The following NFIA variants were observed in gnomAD, a reference collection of about 807,000 sequenced individuals.
NFIA encodes nuclear factor 1 A-type.
Under a neutral mutation model 62.8 loss-of-function variants are expected in NFIA, and 8 were observed. The observed-to-expected ratio is 0.13, with a 90% CI of 0.07 to 0.23. NFIA has a LOEUF of 0.23. Ranked by LOEUF, NFIA falls within the 10% of genes least tolerant of loss-of-function variation. The pLI, the probability that NFIA is intolerant of heterozygous loss-of-function variation, is 1.00. For synonymous variants in NFIA, 235 were observed against 238.1 expected, an observed-to-expected ratio of 0.99 and a Z score of 0.12; for missense variants, 410 against 642.1, an observed-to-expected ratio of 0.64 and a Z score of 3.91.
At chr1:61,145,199 G>A (rs1647837407) in intron 2 of NFIA, among the ~76,000 whole-genome samples, 1 of 152,264 alleles carries the variant, frequency 6.6e-6, no homozygotes, top group South Asian at 2.1e-4. Context: ...AATTATTGAG[G>A]AAATTAATGC....
intron 9 of NFIA, among the ~76,000 whole-genome samples, chr1:61,406,942 G>A (rs1340195354): frequency 6.6e-6 from 1 of 152,094 alleles, no homozygotes; most frequent in East Asian, 1.9e-4. Context: ...TGGATGAGAT[G>A]GTGTAGCTAC....
intron 2 of NFIA, among the ~76,000 whole-genome samples, chr1:61,261,382 A>C (rs922895336): frequency 6.6e-6 from 1 of 152,376 alleles, no homozygotes; most frequent in East Asian, 1.9e-4. Flanking sequence ...TACAGTATTC[A>C]ATAAATTACA....
chr1:61,405,215 G>A (rs1665757947), intron 8 of NFIA, among the ~76,000 whole-genome samples: 1 of 152,180 alleles, frequency 6.6e-6, no homozygotes, highest in Non-Finnish European at 1.5e-5. Context: ...CTAATGTCTG[G>A]TGATGTGTTA....
chr1:61,271,256 T>C (rs184674715), intron 2 of NFIA, among the ~76,000 whole-genome samples: 9 of 152,272 alleles, frequency 5.9e-5, no homozygotes, highest in Non-Finnish European at 1.2e-4. Context: ...TCCTTGTGCA[T>C]GTAGAAAAAT....
chr1:61,264,962 G>T (rs1657065298), intron 2 of NFIA, among the ~76,000 whole-genome samples: 1 of 152,156 alleles, frequency 6.6e-6, no homozygotes, highest in South Asian at 2.1e-4. Context: ...CCCATGACTG[G>T]TTACTGATCT....
chr1:61,241,073 A>G (rs983497271), intron 2 of NFIA, among the ~76,000 whole-genome samples: 3 of 151,886 alleles, frequency 2.0e-5, no homozygotes, highest in East Asian at 3.9e-4. Flanking sequence ...GAGAGTTTCC[A>G]TGAGCTCATA....
intron 7 of NFIA, among the ~76,000 whole-genome samples, chr1:61,385,050 G>A (rs911648960): frequency 6.6e-6 from 1 of 152,014 alleles, no homozygotes; most frequent in African/African-American, 2.4e-5. Flanking sequence ...TGGCCAACAT[G>A]GTGAAACCCC....
rs145346785 is a variant in NFIA, at chr1:61,161,498, T to C, written c.559+72818T>C. On this transcript the variant is annotated intron_variant, in intron 2 of 10. Transcript: ENST00000403491. The stretch of plus-strand genomic sequence containing the variant: ...GAGGTGTTAGCTGGCAGCTGAACAA[T>C]GAAGAAAGACATGGAGACACTGTCC... 4.7e-3 allele frequency among the ~76,000 whole-genome samples: 712 copies of C among 152,100 alleles called. 4 individuals are homozygous for C. The highest frequency in any genetic ancestry group is 7.8e-3 in the Non-Finnish European group (527 of 67,996).
Position 61,344,464 on chromosome 1 carries a change from C to G in NFIA, c.701-7986C>G, listed in dbSNP as rs202191155. Among the ~76,000 whole-genome samples the G allele has an allele frequency of 5.9e-4, 90 of 152,022 alleles. 2 individuals carry two copies. The East Asian group carries it at 0.013, about 22-fold the overall frequency. ...TCATGTAATCAGAAGAAAAATATCT[C>G]TCCATTTTTTCATATTTGTAAGTTG... On this transcript the variant is annotated intron_variant, in intron 4 of 10. Coordinates refer to ENST00000403491, the MANE Select transcript of NFIA (RefSeq NM_001134673.4).
intron 2 of NFIA, among the ~76,000 whole-genome samples, chr1:61,161,387 T>C (rs750613445): frequency 6.6e-5 from 10 of 152,228 alleles, no homozygotes; most frequent in Non-Finnish European, 7.3e-5. Flanking sequence ...ACTTCTGTTC[T>C]AGACACAAGT....
intron 7 of NFIA, among the ~76,000 whole-genome samples, chr1:61,402,027 A>ATTTT (rs1434694783): frequency 3.7e-4 from 34 of 91,346 alleles, no homozygotes; most frequent in Non-Finnish European, 5.2e-4. Flanking sequence ...AGTTTTACTC[A>ATTTT]TTTTTCTTTT....
intron 2 of NFIA, among the ~76,000 whole-genome samples, chr1:61,119,802 G>T (rs1292335720): frequency 6.6e-6 from 1 of 152,164 alleles, no homozygotes; most frequent in East Asian, 1.9e-4. Context: ...TGAAGAATTA[G>T]TAATCATGCA....
At chr1:61,210,183 G>T (rs1346727715) in intron 2 of NFIA, among the ~76,000 whole-genome samples, 3 of 152,176 alleles carry the variant, frequency 2.0e-5, no homozygotes, top group African/African-American at 7.2e-5. Flanking sequence ...GCTCAGGGCT[G>T]TCTCATTTCT....
intron 2 of NFIA, among the ~76,000 whole-genome samples, chr1:61,133,454 G>A (rs1334505543): frequency 6.6e-6 from 1 of 152,156 alleles, no homozygotes; most frequent in African/African-American, 2.4e-5. Flanking sequence ...GTTTTATGAG[G>A]AAGGGAACTT....
At chr1:61,403,057 G>T (rs1389864604) in intron 7 of NFIA, among the ~76,000 whole-genome samples, 2 of 152,178 alleles carry the variant, frequency 1.3e-5, no homozygotes, top group African/African-American at 2.4e-5. Flanking sequence ...TATTGGAAAG[G>T]TCTTATTTTC....
At chr1:61,331,145 T>A (rs1435073898) in intron 3 of NFIA, among the ~76,000 whole-genome samples, 2 of 152,174 alleles carry the variant, frequency 1.3e-5, no homozygotes, top group Non-Finnish European at 2.9e-5. Flanking sequence ...ATTTTGCCAT[T>A]TTATTTCAAA....
intron 2 of NFIA, among the ~76,000 whole-genome samples, chr1:61,123,749 A>G (rs1646926049): frequency 1.3e-5 from 2 of 152,214 alleles, no homozygotes; most frequent in South Asian, 4.1e-4. Flanking sequence ...TATTAGCCTT[A>G]ACCTCTTTCC....
Position 61,316,245 on chromosome 1 carries a change from G to A in NFIA, c.626-16267G>A, listed in dbSNP as rs79924992. Among the ~76,000 whole-genome samples the A allele has an allele frequency of 9.3e-4, 142 of 152,280 alleles. 1 individual carries two copies. The highest frequency in any genetic ancestry group is 3.3e-3 in the African/African-American group (139 of 41,544). On this transcript the variant is annotated intron_variant, in intron 3 of 10. Coordinates refer to ENST00000403491, the MANE Select transcript of NFIA (RefSeq NM_001134673.4). ...TACTTGGGTAAGGGTGAGGAGTAGA[G>A]GGTATGGCTGAGGAAGAAGGGGCAT...
At chr1:61,215,794 A>C (rs1653577295) in intron 2 of NFIA, among the ~76,000 whole-genome samples, 1 of 152,236 alleles carries the variant, frequency 6.6e-6, no homozygotes, top group African/African-American at 2.4e-5. Context: ...GAAGTATTTC[A>C]GGACTCATTT....
Sources: allele counts gnomAD v4.1 joint callset (sites outside exome capture counted in the v4.1 genomes callset), GRCh38; gene constraint gnomAD v4.1.1; transcripts MANE v1.5; gene names NCBI Gene and HGNC (gene_info 2026-07-23, HGNC 2026-07-21).